PHLDB2: variants seen among roughly 807,000 people sequenced by gnomAD.
PHLDB2 encodes the protein pleckstrin homology-like domain family B member 2.
Under a neutral mutation model 123.6 loss-of-function variants are expected in PHLDB2, and 71 were observed. The ratio of observed to expected loss-of-function variants is 0.57; its 90% confidence interval spans 0.47 to 0.70. PHLDB2 has a LOEUF of 0.70. PHLDB2 is among the 30% of genes least tolerant of loss of function. The pLI, the probability that PHLDB2 is intolerant of heterozygous loss-of-function variation, is 0.00. For synonymous variants in PHLDB2, 547 were observed against 541.6 expected (o/e 1.01, Z -0.14); for missense variants, 1,446 against 1,519.5 (o/e 0.95, Z 0.80).
At chr3:111,971,640 C>T (rs2072191808) in intron 16 of PHLDB2, among the ~76,000 whole-genome samples, 1 of 152,150 alleles carries the variant, frequency 6.6e-6, no homozygotes, top group South Asian at 2.1e-4. Flanking sequence ...CACTCCTACC[C>T]CCACCCCTGC....
At chr3:111,971,163 G>C (rs1178071009) in intron 16 of PHLDB2, among the ~76,000 whole-genome samples, 1 of 152,178 alleles carries the variant, frequency 6.6e-6, no homozygotes, top group Non-Finnish European at 1.5e-5. Context: ...AATACAATTT[G>C]ATGTCTGCAC....
intron 1 of PHLDB2, among the ~76,000 whole-genome samples, chr3:111,741,237 T>C (rs1236001141): frequency 6.6e-6 from 1 of 152,212 alleles, no homozygotes; most frequent in African/African-American, 2.4e-5. Flanking sequence ...CCCTCACTCA[T>C]TGATAGTCAA....
chr3:111,969,884 C>G lies in PHLDB2; in HGVS notation c.3510C>G (p.Asn1170Lys), dbSNP rs1464444698. 6.2e-7 allele frequency: 1 copy of G among 1,613,824 alleles called. No individual in the cohort carries two copies. The highest frequency in any genetic ancestry group is 8.5e-7 in the Non-Finnish European group (1 of 1,179,852). Residue 1170 changes from asparagine (N) to lysine (K), a missense_variant, in exon 16 of 18, where the codon AAC (asparagine) becomes AAG (lysine). This residue lies in a region of PHLDB2 where 594 missense variants were observed against 646.0 expected (regional missense o/e 0.92). Transcript: ENST00000431670. ...AACGTTGGTTTGTTTTTGATCGGAA[C>G]AAGCGAACATTCTCTTATTATGCAG... is the stretch of plus-strand genomic sequence containing the variant. ...WKKRWFVFDRNKRTFSYYADK... is the reference protein window; with the variant it reads ...WKKRWFVFDRKKRTFSYYADK...
chr3:111,921,515 C>T lies in PHLDB2; in HGVS notation c.2001+1096C>T, dbSNP rs11919680. 1.0e-2 allele frequency among the ~76,000 whole-genome samples: 1,517 copies of T among 151,778 alleles called. 22 individuals carry two copies. The highest frequency in any genetic ancestry group is 0.035 in the African/African-American group (1,450 of 41,370). On this transcript the variant is annotated intron_variant, in intron 5 of 17. Transcript: ENST00000431670. ...AGAAATAAAGTCAAATTAAATGCTA[C>T]ACATCAATTTCTTGGTTACCAGCAT...
At chr3:111,783,364 CTATT>C (rs1465279268) in intron 1 of PHLDB2, among the ~76,000 whole-genome samples, 1 of 151,938 alleles carries the variant, frequency 6.6e-6, no homozygotes, top group Admixed American at 6.6e-5. Context: ...GAATTAAGCT[CTATT>C]TATCTTAGTA....
chr3:111,906,986 GA>G (rs1354505843), intron 2 of PHLDB2, among the ~76,000 whole-genome samples: 4 of 152,214 alleles, frequency 2.6e-5, no homozygotes, highest in Admixed American at 6.5e-5. Flanking sequence ...GTGTGGCTAA[GA>G]AGCTAGATAT....
intron 1 of PHLDB2, among the ~76,000 whole-genome samples, chr3:111,864,568 T>C (rs935585121): frequency 4.6e-5 from 7 of 152,212 alleles, no homozygotes; most frequent in African/African-American, 9.6e-5. Context: ...AAGATAGTTG[T>C]CTATAGCAGC....
At chr3:111,821,313 G>A (rs1239988650) in intron 1 of PHLDB2, among the ~76,000 whole-genome samples, 1 of 152,208 alleles carries the variant, frequency 6.6e-6, no homozygotes, top group African/African-American at 2.4e-5. Flanking sequence ...TGATGCGTCT[G>A]TATTAGTCAA....
intron 2 of PHLDB2, among the ~76,000 whole-genome samples, chr3:111,895,445 A>C (rs2066780784): frequency 6.6e-6 from 1 of 152,250 alleles, no homozygotes; most frequent in Non-Finnish European, 1.5e-5. Context: ...AATCATAAAT[A>C]AATATATGAA....
chr3:111,857,015 T>TA (rs2064541310), upstream of PHLDB2, among the ~76,000 whole-genome samples: 1 of 151,822 alleles, frequency 6.6e-6, no homozygotes, highest in Non-Finnish European at 1.5e-5. Context: ...TTGAAGGAAG[T>TA]GAGGGAGTGA....
intron 1 of PHLDB2, among the ~76,000 whole-genome samples, chr3:111,864,172 G>A (rs1054844336): frequency 2.6e-5 from 4 of 152,084 alleles, no homozygotes; most frequent in Admixed American, 6.5e-5. Flanking sequence ...CCCTTTTAAG[G>A]GATCTGCCCC....
At chr3:111,756,961 A>G (rs2059901608) in intron 1 of PHLDB2, among the ~76,000 whole-genome samples, 1 of 152,204 alleles carries the variant, frequency 6.6e-6, no homozygotes, top group Admixed American at 6.5e-5. Context: ...TTCTTTAAGA[A>G]TGTTGAATAT....
chr3:111,898,561 G>A (rs138022411), intron 2 of PHLDB2, among the ~76,000 whole-genome samples: 30 of 152,272 alleles, frequency 2.0e-4, no homozygotes, highest in African/African-American at 6.5e-4. Flanking sequence ...TTCCTCTGCA[G>A]CATGCAACGC....
intron 1 of PHLDB2, among the ~76,000 whole-genome samples, chr3:111,819,970 A>G (rs2062290869): frequency 6.6e-6 from 1 of 152,214 alleles, no homozygotes; most frequent in Admixed American, 6.5e-5. Context: ...TTTCGTGGTA[A>G]TGAAGCTTTG....
rs764258391 is a variant in PHLDB2, at chr3:111,898,791, TATC to T, written c.1335+13382_1335+13384del. Among the ~76,000 whole-genome samples the T allele has an allele frequency of 4.6e-4, 70 of 152,226 alleles. 2 individuals are homozygous for T. The highest frequency in any genetic ancestry group is 1.0e-4 in the Non-Finnish European group (7 of 68,030). On this transcript the variant is annotated intron_variant, in intron 2 of 17. Transcript: ENST00000431670. ...AGCAATTCCTCATCAGTTCAAGTTT[TATC>T]ATGAGATTTCAGCAATTCATTCACA... is the stretch of plus-strand genomic sequence containing the variant.
At chr3:111,924,785 A>G (rs1490551599) in intron 5 of PHLDB2, among the ~76,000 whole-genome samples, 1 of 152,202 alleles carries the variant, frequency 6.6e-6, no homozygotes, top group Non-Finnish European at 1.5e-5. Context: ...GAGCCATAGG[A>G]AAAAGGTTTA....
intron 6 of PHLDB2, among the ~76,000 whole-genome samples, chr3:111,938,020 G>A (rs866745700): frequency 6.6e-6 from 1 of 152,026 alleles, no homozygotes; most frequent in African/African-American, 2.4e-5. Flanking sequence ...CATAATTTCT[G>A]ATCTTCCTTA....
chr3:111,888,360 T>C (rs1038801706), intron 2 of PHLDB2, among the ~76,000 whole-genome samples: 11 of 150,844 alleles, frequency 7.3e-5, no homozygotes, highest in African/African-American at 2.4e-4. Context: ...ATCTTGGAAA[T>C]TATATTTTTT....
Position 111,949,047 on chromosome 3 carries a change from TGCTGGC to T in PHLDB2, c.2605_2610del (p.Leu869_Ala870del). On this transcript the variant is annotated inframe_deletion, in exon 10 of 18. Coordinates refer to ENST00000431670, the MANE Select transcript of PHLDB2 (RefSeq NM_001134438.2). ...GTTGCCACTGAGCCTGCCACAGCTG[TGCTGGC>T]GAGCCAGCCACAGAGTAAAGAGGTG... 6.2e-7 allele frequency: 1 copy of T among 1,613,746 alleles called. No homozygotes were observed. Among genetic ancestry groups the T allele is most frequent in the South Asian group, 1.1e-5 (1 of 91,086 alleles).
Sources: allele counts gnomAD v4.1 joint callset (sites outside exome capture counted in the v4.1 genomes callset), GRCh38; gene constraint gnomAD v4.1.1; regional missense constraint gnomAD v4.1.1; transcripts MANE v1.5; gene names NCBI Gene and HGNC (gene_info 2026-07-23, HGNC 2026-07-21).